ZBTB20: variants seen among roughly 807,000 people sequenced by gnomAD.
ZBTB20 encodes zinc finger and BTB domain-containing protein 20.
In ZBTB20, 9 loss-of-function variants were observed where a neutral mutation model predicts 56.9. The ratio of observed to expected loss-of-function variants is 0.16; its 90% CI spans 0.10 to 0.28. ZBTB20 has a LOEUF of 0.28. Ranked by LOEUF, ZBTB20 falls within the 10% of genes least tolerant of loss-of-function variation. The pLI, the probability that ZBTB20 is intolerant of heterozygous loss-of-function variation, is 1.00. For synonymous variants in ZBTB20, 417 were observed against 420.7 expected (o/e 0.99, Z 0.11); for missense variants, 655 against 1,003.0 (o/e 0.65, Z 4.69).
rs140316333 is a variant in ZBTB20 at position 114,642,514 on chromosome 3, A to G, written c.-295+51014T>C. On this transcript the variant is annotated intron_variant, in intron 6 of 11. Transcript: ENST00000675478. ...TGTGAGAATTTCATTTGTGAGAAAT[A>G]GAGCATACTGATATTCTGAAGTTTT... Among the ~76,000 whole-genome samples the G allele has an allele frequency of 9.6e-3, 1,455 of 152,172 alleles. 26 individuals carry two copies. The highest frequency in any genetic ancestry group is 9.4e-3 in the Non-Finnish European group (636 of 67,950).
chr3:114,570,889 T>C (rs2053351518), intron 6 of ZBTB20, among the ~76,000 whole-genome samples: 1 of 152,172 alleles, frequency 6.6e-6, no homozygotes, highest in Non-Finnish European at 1.5e-5. Flanking sequence ...GTATTTCTTA[T>C]TAATTGATCA....
intron 7 of ZBTB20, among the ~76,000 whole-genome samples, chr3:114,472,160 C>CA (rs1322019667): frequency 6.6e-6 from 1 of 152,194 alleles, no homozygotes; most frequent in Non-Finnish European, 1.5e-5. Flanking sequence ...AGTGTACAGA[C>CA]AAAATCACTA....
intron 7 of ZBTB20, among the ~76,000 whole-genome samples, chr3:114,449,427 G>A (rs530380362): frequency 2.0e-4 from 30 of 152,298 alleles, no homozygotes; most frequent in Non-Finnish European, 3.5e-4. Context: ...GGCAAAGCCT[G>A]AGAGGGTCAT....
intron 6 of ZBTB20, among the ~76,000 whole-genome samples, chr3:114,671,348 C>A (rs531936508): frequency 6.6e-6 from 1 of 152,090 alleles, no homozygotes; most frequent in Non-Finnish European, 1.5e-5. Flanking sequence ...CTGTACTTAA[C>A]TCTGTAATCA....
intron 2 of ZBTB20, among the ~76,000 whole-genome samples, chr3:114,985,953 A>G (rs1277413603): frequency 6.6e-6 from 1 of 152,086 alleles, no homozygotes; most frequent in Non-Finnish European, 1.5e-5. Flanking sequence ...ATATAAACAA[A>G]TGACCATGGC....
chr3:114,852,343 A>C (rs1228897915), intron 4 of ZBTB20, among the ~76,000 whole-genome samples: 1 of 151,850 alleles, frequency 6.6e-6, no homozygotes, highest in African/African-American at 2.4e-5. Flanking sequence ...GGCTCACTGC[A>C]ACCTCCACCT....
At chr3:114,801,541 A>G (rs950714460) in intron 4 of ZBTB20, among the ~76,000 whole-genome samples, 3 of 151,764 alleles carry the variant, frequency 2.0e-5, no homozygotes, top group Non-Finnish European at 4.4e-5. Flanking sequence ...CAGCCTAAAG[A>G]TTACAGAAAA....
chr3:115,092,270 T>G (rs968336171), intron 1 of ZBTB20, among the ~76,000 whole-genome samples: 6 of 152,124 alleles, frequency 3.9e-5, no homozygotes, highest in Non-Finnish European at 7.4e-5. Flanking sequence ...TTGTTTGTTT[T>G]TTTCACTAAC....
At chr3:114,696,441 C>A (rs1269362457) in intron 5 of ZBTB20, among the ~76,000 whole-genome samples, 1 of 151,988 alleles carries the variant, frequency 6.6e-6, no homozygotes, top group Non-Finnish European at 1.5e-5. Context: ...TAAAAACAAT[C>A]AAAACTACCA....
chr3:114,946,015 T>G (rs2076875388), intron 3 of ZBTB20, among the ~76,000 whole-genome samples: 1 of 145,524 alleles, frequency 6.9e-6, no homozygotes, highest in South Asian at 2.1e-4. Context: ...AAGCTTAAAA[T>G]GTACAAATTG....
At chr3:114,376,640 C>G (rs2083666371) in intron 10 of ZBTB20, among the ~76,000 whole-genome samples, 1 of 152,122 alleles carries the variant, frequency 6.6e-6, no homozygotes, top group Non-Finnish European at 1.5e-5. Flanking sequence ...CAGAATGATG[C>G]TACCTACGGA....
At chr3:114,361,404 T>C (rs564971643) in intron 10 of ZBTB20, among the ~76,000 whole-genome samples, 2 of 152,342 alleles carry the variant, frequency 1.3e-5, no homozygotes, top group Admixed American at 6.5e-5. Flanking sequence ...TGGTTTCCAC[T>C]GGTTGGTGAG....
chr3:114,507,297 T>C (rs997482760), intron 6 of ZBTB20, among the ~76,000 whole-genome samples: 2 of 152,164 alleles, frequency 1.3e-5, no homozygotes, highest in African/African-American at 4.8e-5. Flanking sequence ...AATTAAAATA[T>C]GCAGTGCCTC....
intron 5 of ZBTB20, among the ~76,000 whole-genome samples, chr3:114,702,302 C>T (rs1396890569): frequency 2.0e-5 from 3 of 152,186 alleles, no homozygotes; most frequent in African/African-American, 7.2e-5. Flanking sequence ...GAGCCATGAT[C>T]GTGCTACTGC....
At chr3:115,108,089 C>T (rs2083774917) in intron 1 of ZBTB20, among the ~76,000 whole-genome samples, 1 of 151,566 alleles carries the variant, frequency 6.6e-6, no homozygotes, top group Admixed American at 6.6e-5. Flanking sequence ...ACCATGATGG[C>T]ACACGTATAC....
chr3:114,692,335 G>A (rs2062749218), intron 6 of ZBTB20, among the ~76,000 whole-genome samples: 2 of 152,242 alleles, frequency 1.3e-5, no homozygotes, highest in East Asian at 3.9e-4. Context: ...CTTCACTGGT[G>A]AGATGGATAT....
intron 10 of ZBTB20, among the ~76,000 whole-genome samples, chr3:114,367,683 CAG>C (rs1483019990): frequency 6.6e-6 from 1 of 152,116 alleles, no homozygotes. Flanking sequence ...AGACAACATT[CAG>C]AGAGATTTGA....
chr3:115,113,388 C>A (rs2083933384), intron 1 of ZBTB20, among the ~76,000 whole-genome samples: 1 of 152,184 alleles, frequency 6.6e-6, no homozygotes, highest in South Asian at 2.1e-4. Flanking sequence ...TTAAAAACTA[C>A]AATTCTTAGA....
chr3:115,017,833 G>T (rs2080035390), intron 2 of ZBTB20, among the ~76,000 whole-genome samples: 1 of 151,388 alleles, frequency 6.6e-6, no homozygotes, highest in Non-Finnish European at 1.5e-5. Flanking sequence ...TCTAATTGAG[G>T]TAGAAATACA....
Sources: gnomAD v4.1 joint callset for allele counts (sites outside exome capture counted in the v4.1 genomes callset) on GRCh38, gnomAD v4.1.1 for gene constraint, MANE v1.5 for transcripts, NCBI Gene and HGNC (gene_info 2026-07-23, HGNC 2026-07-21) for gene names.